PPP3CA: variants seen among roughly 807,000 people sequenced by gnomAD.
PPP3CA encodes CAM-PRP catalytic subunit.
A neutral mutation model predicts 66.5 loss-of-function variants in PPP3CA; 14 were observed. The observed-to-expected ratio is 0.21, with a 90% CI of 0.14 to 0.33. The LOEUF is 0.33. Ranked by LOEUF, PPP3CA falls within the 10% of genes least tolerant of loss-of-function variation. The pLI is 1.00. For synonymous variants in PPP3CA, 232 were observed against 226.2 expected (o/e 1.03, Z -0.23); for missense variants, 317 against 639.5 (o/e 0.50, Z 5.44).
At chr4:101,185,768 T>C (rs1028629495) in intron 2 of PPP3CA, among the ~76,000 whole-genome samples, 2 of 152,194 alleles carry the variant, frequency 1.3e-5, no homozygotes, top group Non-Finnish European at 2.9e-5. Context: ...GGAACCAGAC[T>C]GCCTGGCCTT....
chr4:101,322,935 T>C lies in PPP3CA; in HGVS notation c.58+23804A>G, dbSNP rs531929711. On this transcript the variant is annotated intron_variant, in intron 1 of 13. Coordinates refer to ENST00000394854, the MANE Select transcript of PPP3CA (RefSeq NM_000944.5). ...ACTGTAGAATAATATTTACTGTTGC[T>C]GTTTTTTGCTACACTCAGCATATAT... Among the ~76,000 whole-genome samples, 12 of 152,326 alleles carry C rather than the reference T, an allele frequency of 7.9e-5. No homozygotes were observed. The South Asian group carries it at 2.5e-3, about 32-fold the overall frequency.
chr4:101,292,265 A>T (rs921587799), intron 1 of PPP3CA, among the ~76,000 whole-genome samples: 2 of 152,196 alleles, frequency 1.3e-5, no homozygotes, highest in Non-Finnish European at 2.9e-5. Flanking sequence ...GTAATTGTTT[A>T]TTAAATTAAA....
intron 2 of PPP3CA, among the ~76,000 whole-genome samples, chr4:101,134,812 A>AT (rs1722562661): frequency 6.6e-6 from 1 of 152,218 alleles, no homozygotes; most frequent in African/African-American, 2.4e-5. Context: ...CACAATAGCA[A>AT]AGACTTGGGG....
chr4:101,131,743 C>A (rs1451635195), intron 2 of PPP3CA, among the ~76,000 whole-genome samples: 3 of 152,148 alleles, frequency 2.0e-5, no homozygotes, highest in African/African-American at 7.2e-5. Flanking sequence ...CAGCTCTGGA[C>A]CAAGCAGACC....
intron 2 of PPP3CA, among the ~76,000 whole-genome samples, chr4:101,159,188 G>T (rs886677233): frequency 6.6e-6 from 1 of 152,154 alleles, no homozygotes; most frequent in African/African-American, 2.4e-5. Context: ...CAGTCTGGCC[G>T]CAGGGCCCAA....
At chr4:101,330,436 A>C in intron 1 of PPP3CA, 1 of 533,846 alleles carries the variant, frequency 1.9e-6, no homozygotes, top group Non-Finnish European at 3.8e-6. Context: ...TTAGCTGATA[A>C]AGCAACAGCC....
intron 1 of PPP3CA, among the ~76,000 whole-genome samples, chr4:101,282,962 T>C (rs1165415677): frequency 4.6e-5 from 7 of 152,246 alleles, no homozygotes; most frequent in Non-Finnish European, 8.8e-5. Flanking sequence ...TCAAGTATTA[T>C]TTGGTTCATA....
rs1729133692 is a variant in PPP3CA, at chr4:101,324,160, GGAAGGAAGGAAGGAAGGA to G, written c.58+22561_58+22578del. Among the ~76,000 whole-genome samples the G allele has an allele frequency of 5.1e-4, 42 of 82,380 alleles. 1 individual carries two copies. The highest frequency in any genetic ancestry group is 6.5e-3 in the Middle Eastern group (1 of 154). 54.0% of individuals were successfully genotyped at this position (82,380 alleles called of 152,430 possible). On this transcript the variant is annotated intron_variant, in intron 1 of 13. Transcript: ENST00000394854. ...GGAAGGGAAGGAAGGGAGGGAGGAA[GGAAGGAAGGAAGGAAGGA>G]AGGAAGGAAGGAAGGAAGGAAGGAA...
chr4:101,329,308 CCTAA>C (rs1729301052), intron 1 of PPP3CA, among the ~76,000 whole-genome samples: 1 of 151,378 alleles, frequency 6.6e-6, no homozygotes, highest in Non-Finnish European at 1.5e-5. Flanking sequence ...CAGCCAAGAC[CCTAA>C]CTCTCTTCAA....
At chr4:101,310,835 A>G (rs1728698751) in intron 1 of PPP3CA, among the ~76,000 whole-genome samples, 1 of 152,230 alleles carries the variant, frequency 6.6e-6, no homozygotes, top group African/African-American at 2.4e-5. Context: ...TTAAATAAAA[A>G]CTATAAATGT....
At chr4:101,225,162 C>T (rs750134406) in intron 1 of PPP3CA, among the ~76,000 whole-genome samples, 6 of 151,790 alleles carry the variant, frequency 4.0e-5, no homozygotes, top group Non-Finnish European at 7.4e-5. Flanking sequence ...CCCAGCACAA[C>T]TCCTTTTCCT....
At chr4:101,198,377 G>A (rs1350538355) in intron 1 of PPP3CA, among the ~76,000 whole-genome samples, 5 of 152,180 alleles carry the variant, frequency 3.3e-5, no homozygotes, top group Non-Finnish European at 5.9e-5. Context: ...CAGACCATGA[G>A]TCAAGATATG....
At chr4:101,260,523 G>A (rs1364833308) in intron 1 of PPP3CA, among the ~76,000 whole-genome samples, 3 of 152,102 alleles carry the variant, frequency 2.0e-5, no homozygotes, top group African/African-American at 4.8e-5. Flanking sequence ...TCTATGGAAT[G>A]ACAATAGGTC....
At chr4:101,297,420 C>T (rs1728231327) in intron 1 of PPP3CA, among the ~76,000 whole-genome samples, 1 of 152,160 alleles carries the variant, frequency 6.6e-6, no homozygotes, top group African/African-American at 2.4e-5. Context: ...CATGAACTGG[C>T]TATCATAATA....
At chr4:101,190,020 T>C (rs182979696) in intron 2 of PPP3CA, among the ~76,000 whole-genome samples, 4 of 152,098 alleles carry the variant, frequency 2.6e-5, no homozygotes, top group Admixed American at 6.6e-5. Flanking sequence ...ATGGATAAGA[T>C]TGGAAACATG....
chr4:101,029,522 T>C (rs1354430649), intron 12 of PPP3CA, among the ~76,000 whole-genome samples: 1 of 152,026 alleles, frequency 6.6e-6, no homozygotes, highest in Admixed American at 6.6e-5. Context: ...GACTGAATTA[T>C]AAGAGATTAT....
chr4:101,040,441 T>TA, intron 11 of PPP3CA, 41 bp downstream of exon 11: 1 of 1,402,676 alleles, frequency 7.1e-7, no homozygotes, highest in Middle Eastern at 1.8e-4. Flanking sequence ...AGGTGACACA[T>TA]AATACAATTT....
At chr4:101,033,271 TAG>T (rs1727076804) in intron 11 of PPP3CA, among the ~76,000 whole-genome samples, 1 of 125,686 alleles carries the variant, frequency 8.0e-6, no homozygotes, top group Non-Finnish European at 1.7e-5. Flanking sequence ...TATACATACA[TAG>T]AGACACACAC....
chr4:101,262,265 T>C (rs941480572), intron 1 of PPP3CA, among the ~76,000 whole-genome samples: 5 of 151,924 alleles, frequency 3.3e-5, no homozygotes, highest in Admixed American at 2.0e-4. Flanking sequence ...ATAACAAGAG[T>C]ATATACAAAC....
Sources: gnomAD v4.1 joint callset for allele counts (sites outside exome capture counted in the v4.1 genomes callset) on GRCh38, gnomAD v4.1.1 for gene constraint, MANE v1.5 for transcripts, NCBI Gene and HGNC (gene_info 2026-07-23, HGNC 2026-07-21) for gene names.